Variants in KCNAB1 observed in about 807,000 individuals in gnomAD.
The protein encoded by KCNAB1 is voltage-gated potassium channel subunit beta-1.
In KCNAB1, 35 loss-of-function variants were observed where a neutral mutation model predicts 64.6. That is an observed-to-expected ratio of 0.54 (90% CI 0.41 to 0.72). The LOEUF (loss-of-function observed/expected upper bound fraction) is 0.72. Among genes scored for constraint, KCNAB1 ranks in the 30% least tolerant of loss-of-function variants. The pLI is 0.00. For missense variants in KCNAB1, 401 were observed against 512.9 expected (o/e 0.78, Z 2.11); for synonymous variants, 177 against 183.8 (o/e 0.96, Z 0.30).
chr3:156,445,543 G>A (rs1355097051), intron 2 of KCNAB1, among the ~76,000 whole-genome samples: 1 of 152,192 alleles, frequency 6.6e-6, no homozygotes, highest in Non-Finnish European at 1.5e-5. Context: ...AAAACCTCTT[G>A]TTGAAGATAG....
chr3:156,334,235 A>C (rs1723532311), intron 1 of KCNAB1, among the ~76,000 whole-genome samples: 1 of 152,200 alleles, frequency 6.6e-6, no homozygotes, highest in African/African-American at 2.4e-5. Context: ...TTGTGGCAGC[A>C]CAGGGTCAGG....
intron 1 of KCNAB1, among the ~76,000 whole-genome samples, chr3:156,343,093 AG>A (rs1425137312): frequency 6.6e-6 from 1 of 152,210 alleles, no homozygotes; most frequent in Non-Finnish European, 1.5e-5. Flanking sequence ...TCTACTTCCC[AG>A]GCTGGAAATT....
At chr3:156,282,821 A>G (rs1719812937) in intron 1 of KCNAB1, among the ~76,000 whole-genome samples, 1 of 147,134 alleles carries the variant, frequency 6.8e-6, no homozygotes, top group Non-Finnish European at 1.5e-5. Context: ...TTTGCTTGGT[A>G]GATCTTCCTC....
At chr3:156,269,566 A>G (rs1433896156) in intron 1 of KCNAB1, among the ~76,000 whole-genome samples, 2 of 152,172 alleles carry the variant, frequency 1.3e-5, no homozygotes, top group Non-Finnish European at 2.9e-5. Flanking sequence ...TTTGTTCTAG[A>G]TGATCTGTCC....
chr3:156,151,830 G>A (rs968508183), intron 1 of KCNAB1, among the ~76,000 whole-genome samples: 3 of 151,962 alleles, frequency 2.0e-5, no homozygotes, highest in Non-Finnish European at 4.4e-5. Context: ...AATGCTCTTT[G>A]TGGCATTTTT....
intron 2 of KCNAB1, among the ~76,000 whole-genome samples, chr3:156,426,367 C>G (rs1715816301): frequency 6.6e-6 from 1 of 152,152 alleles, no homozygotes; most frequent in Non-Finnish European, 1.5e-5. Context: ...GCAAAAAGCA[C>G]AAGGAGTTCC....
chr3:156,159,723 G>A (rs970034864), intron 1 of KCNAB1, among the ~76,000 whole-genome samples: 1 of 152,150 alleles, frequency 6.6e-6, no homozygotes, highest in Non-Finnish European at 1.5e-5. Context: ...GTTTTCTGAG[G>A]CTTGAAGAAG....
intron 1 of KCNAB1, among the ~76,000 whole-genome samples, chr3:156,396,826 C>A (rs539026876): frequency 1.3e-5 from 2 of 152,314 alleles, no homozygotes; most frequent in South Asian, 2.1e-4. Context: ...GCTGGGGAAA[C>A]CTGAGTTTCA....
chr3:156,529,817 G>C (rs1718573345), intron 12 of KCNAB1, among the ~76,000 whole-genome samples: 1 of 152,212 alleles, frequency 6.6e-6, no homozygotes, highest in South Asian at 2.1e-4. Flanking sequence ...CCCCAAATGT[G>C]ATTGGGAATG....
intron 13 of KCNAB1, 122 bp downstream of exon 13, chr3:156,531,619 G>T (rs925385710): frequency 5.4e-6 from 4 of 737,310 alleles, no homozygotes; most frequent in Non-Finnish European, 9.8e-6. Flanking sequence ...GGGAACAAAG[G>T]CAACAGAACA....
intron 1 of KCNAB1, among the ~76,000 whole-genome samples, chr3:156,130,658 G>A (rs989394073): frequency 6.6e-6 from 1 of 152,250 alleles, no homozygotes; most frequent in Non-Finnish European, 1.5e-5. Context: ...ATGGCTCCCT[G>A]CCCTAGTTTG....
At chr3:156,229,637 C>T (rs544590006) in intron 1 of KCNAB1, among the ~76,000 whole-genome samples, 3 of 152,130 alleles carry the variant, frequency 2.0e-5, no homozygotes, top group South Asian at 2.1e-4. Context: ...AAGATGGGCT[C>T]AGAAAAGCAG....
At chr3:156,318,547 G>A (rs1414827594) in intron 1 of KCNAB1, among the ~76,000 whole-genome samples, 2 of 152,140 alleles carry the variant, frequency 1.3e-5, no homozygotes, top group Non-Finnish European at 2.9e-5. Flanking sequence ...CTCCATGAGG[G>A]CATGGAGTGT....
intron 1 of KCNAB1, among the ~76,000 whole-genome samples, chr3:156,326,003 T>C (rs2108034648): frequency 6.6e-6 from 1 of 152,212 alleles, no homozygotes; most frequent in Non-Finnish European, 1.5e-5. Flanking sequence ...AAAATAATCA[T>C]AGAATAGCCA....
chr3:156,175,930 T>C (rs998835344), intron 1 of KCNAB1: 10 of 933,698 alleles, frequency 1.1e-5, no homozygotes, highest in Admixed American at 3.5e-5. Flanking sequence ...AGCAACTTCA[T>C]TGATGGAGCC....
intron 1 of KCNAB1, 25 bp downstream of exon 1, chr3:156,120,911 G>A (rs576586282): frequency 2.4e-5 from 39 of 1,607,786 alleles, no homozygotes; most frequent in African/African-American, 9.4e-5. Flanking sequence ...CTCTGCGCGG[G>A]CTTTGGGAGA....
chr3:156,176,341 T>C, intron 1 of KCNAB1: 3 of 834,996 alleles, frequency 3.6e-6, no homozygotes, highest in Non-Finnish European at 6.4e-6. Flanking sequence ...TAACACCTGG[T>C]ACATGTTCTG....
chr3:156,280,059 TG>T (rs1233646796), intron 1 of KCNAB1, among the ~76,000 whole-genome samples: 2 of 147,808 alleles, frequency 1.4e-5, no homozygotes, highest in Non-Finnish European at 3.0e-5. Flanking sequence ...ATGTCCTGAA[TG>T]GTAATGCCTA....
At chr3:156,202,688 T>C (rs940334848) in intron 1 of KCNAB1, among the ~76,000 whole-genome samples, 1 of 152,202 alleles carries the variant, frequency 6.6e-6, no homozygotes, top group East Asian at 1.9e-4. Flanking sequence ...ATGTCAACAG[T>C]TTTTTGGTCA....
Sources: gnomAD v4.1 joint callset for allele counts (sites outside exome capture counted in the v4.1 genomes callset) on GRCh38, gnomAD v4.1.1 for gene constraint, MANE v1.5 for transcripts, NCBI Gene and HGNC (gene_info 2026-07-23, HGNC 2026-07-21) for gene names.